The following ZNF487 variants were observed in gnomAD, a reference collection of about 807,000 sequenced individuals.
ZNF487 encodes the protein zinc finger protein 487, also known as KRAB domain only 1.
ZNF487 carries 4 observed loss-of-function variants against 3.0 expected under a neutral mutation model. The observed-to-expected ratio is 1.35, with a 90% CI of 0.66 to 3.08. The LOEUF is 3.08. ZNF487 is among the 30% of genes most tolerant of loss of function. The pLI, the probability that ZNF487 is intolerant of heterozygous loss-of-function variation, is 0.01. For missense variants in ZNF487, 146 were observed against 98.7 expected, an observed-to-expected ratio of 1.48 and a Z score of -2.03; for synonymous variants, 55 against 34.6, an observed-to-expected ratio of 1.59 and a Z score of -2.06.
intron 1 of ZNF487, chr10:43,453,099 G>A (rs1840061936): frequency 6.6e-6 from 1 of 152,052 alleles, no homozygotes; most frequent in Non-Finnish European, 1.5e-5. Flanking sequence ...TAAATGTGAT[G>A]AGGCCAGCGG....
At chr10:43,477,959 A>C (rs2132142817) in intron 3 of ZNF487, among the ~76,000 whole-genome samples, 1 of 152,182 alleles carries the variant, frequency 6.6e-6, no homozygotes, top group East Asian at 1.9e-4. Context: ...TCGAAAAGAA[A>C]AAAAAAAAAT....
At chr10:43,437,812 T>G (rs531544872) in intron 1 of ZNF487, among the ~76,000 whole-genome samples, 1 of 152,114 alleles carries the variant, frequency 6.6e-6, no homozygotes, top group African/African-American at 2.4e-5. Flanking sequence ...CTTCCTTCAT[T>G]AGCTTTACTA....
the ZNF487 span, among the ~76,000 whole-genome samples, chr10:43,513,147 T>A: frequency 6.6e-6 from 1 of 152,136 alleles, no homozygotes; most frequent in East Asian, 1.9e-4. Flanking sequence ...GATCAAGGTG[T>A]CTCCAAATAA....
the ZNF487 span, among the ~76,000 whole-genome samples, chr10:43,509,458 C>CATATAT: frequency 0.1 from 13,611 of 134,764 alleles, 901 homozygotes; most frequent in East Asian, 0.25. Flanking sequence ...ACTAATGGAA[C>CATATAT]ATATATATAT....
intron 1 of ZNF487, among the ~76,000 whole-genome samples, chr10:43,469,619 G>T (rs888898043): frequency 6.6e-5 from 10 of 152,020 alleles, no homozygotes; most frequent in African/African-American, 2.4e-4. Flanking sequence ...GGGATTACAG[G>T]CATGAACCAA....
At chr10:43,515,040 C>T in the ZNF487 span, among the ~76,000 whole-genome samples, 444 of 152,258 alleles carry the variant, frequency 2.9e-3, 1 homozygote, top group Non-Finnish European at 5.2e-3. Flanking sequence ...CTATTAGAAC[C>T]TTTTTTAACT....
intron 1 of ZNF487, among the ~76,000 whole-genome samples, chr10:43,448,442 A>G (rs1839892039): frequency 6.6e-6 from 1 of 152,180 alleles, no homozygotes; most frequent in Non-Finnish European, 1.5e-5. Context: ...AATTCTAATA[A>G]TAAAAGTACA....
chr10:43,504,509 C>T, the ZNF487 span, among the ~76,000 whole-genome samples: 1 of 151,760 alleles, frequency 6.6e-6, no homozygotes, highest in East Asian at 2.0e-4. Flanking sequence ...GTTGGCCAAG[C>T]TGGTCGTGAA....
intron 1 of ZNF487, among the ~76,000 whole-genome samples, chr10:43,469,629 A>G (rs1840833527): frequency 6.6e-6 from 1 of 151,992 alleles, no homozygotes; most frequent in Admixed American, 6.6e-5. Flanking sequence ...GCATGAACCA[A>G]TGTACTTGGC....
intron 1 of ZNF487, among the ~76,000 whole-genome samples, chr10:43,448,221 C>T (rs1485098316): frequency 6.6e-6 from 1 of 151,772 alleles, no homozygotes; most frequent in African/African-American, 2.4e-5. Context: ...GATCTCCTGA[C>T]CTCGTGATCC....
chr10:43,497,297 A>G, the ZNF487 span, among the ~76,000 whole-genome samples: 1 of 152,234 alleles, frequency 6.6e-6, no homozygotes, highest in Non-Finnish European at 1.5e-5. Context: ...ATGTGGTGTG[A>G]TATTTTAGCA....
chr10:43,502,496 C>T, the ZNF487 span, among the ~76,000 whole-genome samples: 130 of 152,002 alleles, frequency 8.6e-4, no homozygotes, highest in African/African-American at 3.0e-3. Flanking sequence ...ACATTGTGCA[C>T]ATGTACCCTA....
chr10:43,493,708 AAATATAT>A, the ZNF487 span, among the ~76,000 whole-genome samples: 28 of 43,880 alleles, frequency 6.4e-4, no homozygotes, highest in East Asian at 2.1e-3. Context: ...AAAAAAAAAA[AAATATAT>A]ATATATATAT....
At chr10:43,458,242 A>C (rs1840293725) in intron 1 of ZNF487, 1 of 152,190 alleles carries the variant, frequency 6.6e-6, no homozygotes, top group Non-Finnish European at 1.5e-5. Flanking sequence ...TGGGCAGAGC[A>C]CACTTTGGTT....
intron 1 of ZNF487, among the ~76,000 whole-genome samples, chr10:43,442,277 A>G (rs200266980): frequency 6.6e-6 from 1 of 150,878 alleles, no homozygotes; most frequent in Non-Finnish European, 1.5e-5. Flanking sequence ...ACAAAAAAAA[A>G]ACAAAGAAAA....
chr10:43,473,908 G>A (rs945178113), intron 1 of ZNF487, among the ~76,000 whole-genome samples: 15 of 152,010 alleles, frequency 9.9e-5, no homozygotes, highest in African/African-American at 3.6e-4. Flanking sequence ...TCCTGTAATT[G>A]CAGTATTTTG....
At chr10:43,441,523 T>A (rs1386474623) in intron 1 of ZNF487, among the ~76,000 whole-genome samples, 1 of 151,950 alleles carries the variant, frequency 6.6e-6, no homozygotes, top group Non-Finnish European at 1.5e-5. Flanking sequence ...CACCTCGGCC[T>A]CCTAAAGTTC....
downstream of ZNF487, among the ~76,000 whole-genome samples, chr10:43,487,859 T>C (rs1026947622): frequency 2.7e-4 from 38 of 139,810 alleles, no homozygotes; most frequent in Non-Finnish European, 4.5e-5. Context: ...CCGAGGTGGG[T>C]GGATCACCTG....
chr10:43,489,606 C>T, the ZNF487 span, among the ~76,000 whole-genome samples: 2 of 152,074 alleles, frequency 1.3e-5, no homozygotes, highest in African/African-American at 2.4e-5. Flanking sequence ...TTCCTGCCTC[C>T]GCCTCCCAAA....
Sources: allele counts gnomAD v4.1 joint callset (sites outside exome capture counted in the v4.1 genomes callset), GRCh38; gene constraint gnomAD v4.1.1; transcripts MANE v1.5; gene names NCBI Gene and HGNC (gene_info 2026-07-23, HGNC 2026-07-21).